CHIC1: variants seen among roughly 807,000 people sequenced by gnomAD.
CHIC1 encodes the protein cysteine-rich hydrophobic domain-containing protein 1.
In CHIC1, 7 loss-of-function variants were observed where a neutral mutation model predicts 18.5. The observed-to-expected ratio is 0.38, with a 90% confidence interval of 0.22 to 0.71. CHIC1 has a LOEUF of 0.71. Ranked by LOEUF, CHIC1 falls within the 30% of genes least tolerant of loss-of-function variation. CHIC1 has a pLI of 0.49. For missense variants in CHIC1, 159 were observed against 176.9 expected (o/e 0.90, Z 0.57); for synonymous variants, 77 against 73.5 (o/e 1.05, Z -0.25).
chrX:73,563,992 A>G (rs1325635512), intron 1 of CHIC1, among the ~76,000 whole-genome samples: 1 of 112,221 alleles, frequency 8.9e-6, no homozygotes, highest in Non-Finnish European at 1.9e-5. Context: ...CTAGGCTTGC[A>G]TTCTTCAAAA....
At chrX:73,616,082 TC>T (rs2057731533) in intron 3 of CHIC1, among the ~76,000 whole-genome samples, 1 of 109,644 alleles carries the variant, frequency 9.1e-6, no homozygotes, top group African/African-American at 3.3e-5. Context: ...TTGGCCCCCC[TC>T]CCCCCAGGCA....
At chrX:73,674,605 C>G in intron 3 of CHIC1, among the ~76,000 whole-genome samples, 1 of 111,641 alleles carries the variant, frequency 9.0e-6, no homozygotes, top group Non-Finnish European at 1.9e-5. Context: ...TTTATTGCAT[C>G]TGTTTGATTC....
At chrX:73,665,525 A>ACT (rs2058000295) in intron 3 of CHIC1, among the ~76,000 whole-genome samples, 1 of 111,288 alleles carries the variant, frequency 9.0e-6, no homozygotes, top group African/African-American at 3.3e-5. Flanking sequence ...CTGTTTCAAT[A>ACT]CTTTTATATA....
chrX:73,677,115 G>A (rs936120614), intron 3 of CHIC1, among the ~76,000 whole-genome samples: 2 of 111,366 alleles, frequency 1.8e-5, no homozygotes, highest in South Asian at 3.8e-4. Context: ...AGGAGTACCC[G>A]GCCCTGTGAG....
At chrX:73,630,334 C>CTTA (rs762441261) in intron 3 of CHIC1, among the ~76,000 whole-genome samples, 16 of 111,517 alleles carry the variant, frequency 1.4e-4, no homozygotes, top group Non-Finnish European at 2.6e-4. Flanking sequence ...GCATCCTTGT[C>CTTA]TTATTCCTCA....
At chrX:73,626,437 CT>C (rs888100347) in intron 3 of CHIC1, among the ~76,000 whole-genome samples, 4 of 110,949 alleles carry the variant, frequency 3.6e-5, no homozygotes, top group African/African-American at 1.3e-4. Context: ...TTAGATTTGC[CT>C]TTTTGATACT....
chrX:73,675,081 T>C (rs1448672563), intron 3 of CHIC1, among the ~76,000 whole-genome samples: 4 of 112,318 alleles, frequency 3.6e-5, no homozygotes, highest in African/African-American at 1.3e-4. Flanking sequence ...CTAGTTTGAT[T>C]GCACTGTGGT....
At chrX:73,573,254 A>C (rs1448648758) in intron 1 of CHIC1, among the ~76,000 whole-genome samples, 1 of 111,023 alleles carries the variant, frequency 9.0e-6, no homozygotes, top group Non-Finnish European at 1.9e-5. Context: ...AGATGGTAGT[A>C]GGTGCGCAGC....
chrX:73,636,426 A>T (rs2057831372), intron 3 of CHIC1, among the ~76,000 whole-genome samples: 1 of 111,276 alleles, frequency 9.0e-6, no homozygotes, highest in Non-Finnish European at 1.9e-5. Flanking sequence ...CTGGAACTAC[A>T]GGTACCCACT....
intron 3 of CHIC1, among the ~76,000 whole-genome samples, chrX:73,635,348 T>G (rs969632006): frequency 8.9e-6 from 1 of 112,206 alleles, no homozygotes; most frequent in Non-Finnish European, 1.9e-5. Context: ...TCTTTCTTTG[T>G]AGTGTGTTTG....
rs1370412601 is a variant in CHIC1 at position 73,601,237 on chromosome X, C to A, written c.507+16665C>A. Among the ~76,000 whole-genome samples the A allele has an allele frequency of 2.7e-4, 28 of 104,908 alleles. 4 individuals carry two copies. The highest frequency in any genetic ancestry group is 1.0e-3 in the African/African-American group (28 of 26,718). The allele number at this position is 104,908 out of a possible 115,157, so 91.1% of individuals were successfully genotyped here. A position where few individuals can be genotyped will look rare whatever the true frequency, so the allele number is the denominator to read the frequency against. ...AATAGACATCTACAGAACTCTCCACCCCAAATCAACAGAATATACATTTTT... is the reference window on the plus strand; with the variant it reads ...AATAGACATCTACAGAACTCTCCACACCAAATCAACAGAATATACATTTTT... On this transcript the variant is annotated intron_variant, in intron 3 of 5. Coordinates refer to ENST00000373502, the MANE Select transcript of CHIC1 (RefSeq NM_001039840.4).
At chrX:73,589,621 A>G (rs2057571326) in intron 3 of CHIC1, among the ~76,000 whole-genome samples, 1 of 111,151 alleles carries the variant, frequency 9.0e-6, no homozygotes, top group Admixed American at 9.6e-5. Flanking sequence ...TTTTAATCAT[A>G]CGGGAAAAAG....
Position 73,655,643 on chromosome X carries a change from GTGTGTGTA to G in CHIC1, c.508-23681_508-23674del, listed in dbSNP as rs1395787458. On this transcript the variant is annotated intron_variant, in intron 3 of 5. Coordinates refer to ENST00000373502, the MANE Select transcript of CHIC1 (RefSeq NM_001039840.4). ...GTATATATATATATAGTGTGTGTGT[GTGTGTGTA>G]TATATATATATATATATATACACAC... Among the ~76,000 whole-genome samples the G allele has an allele frequency of 6.9e-4, 6 of 8,667 alleles. No individual in the cohort carries two copies. In the East Asian group the frequency reaches 0.081, roughly 117 times the overall value. The allele number at this position is 8,667 out of a possible 115,157, so 7.5% of individuals were successfully genotyped here.
chrX:73,629,103 G>C (rs908508105), intron 3 of CHIC1, among the ~76,000 whole-genome samples: 3 of 111,139 alleles, frequency 2.7e-5, no homozygotes, highest in Non-Finnish European at 5.7e-5. Context: ...TCATATACCT[G>C]TTGGCCATTT....
At chrX:73,651,720 T>C (rs1258494092) in intron 3 of CHIC1, among the ~76,000 whole-genome samples, 1 of 111,084 alleles carries the variant, frequency 9.0e-6, no homozygotes, top group Non-Finnish European at 1.9e-5. Flanking sequence ...TACAAACCAC[T>C]GCTCAAGGAA....
chrX:73,626,294 C>G (rs1112960), intron 3 of CHIC1, among the ~76,000 whole-genome samples: 1 of 111,088 alleles, frequency 9.0e-6, no homozygotes, highest in African/African-American at 3.3e-5. Flanking sequence ...TAGGATAAAT[C>G]TGCTTGGTGT....
rs550940960 is a variant in CHIC1 at position 73,574,109 on chromosome X, G to A, written c.297-3298G>A. 2.7e-5 allele frequency among the ~76,000 whole-genome samples: 3 copies of A among 110,120 alleles called. No individual in the cohort carries two copies. The Admixed American group carries it at 2.9e-4, about 11-fold the overall frequency. ...CATTTTGAGGTACATTCTTTTGATG[G>A]TTAGTTTGTTGACGGTTTTATCATG... is the stretch of plus-strand genomic sequence containing the variant. On this transcript the variant is annotated intron_variant, in intron 1 of 5. Transcript: ENST00000373502.
At chrX:73,621,424 G>A (rs2057759808) in intron 3 of CHIC1, among the ~76,000 whole-genome samples, 1 of 111,839 alleles carries the variant, frequency 8.9e-6, no homozygotes, top group South Asian at 3.7e-4. Context: ...TCCTTTGTAA[G>A]TTGTATTTGT....
At chrX:73,649,541 T>C (rs1247300993) in intron 3 of CHIC1, among the ~76,000 whole-genome samples, 1 of 111,229 alleles carries the variant, frequency 9.0e-6, no homozygotes, top group Non-Finnish European at 1.9e-5. Context: ...GAGGTTGCAA[T>C]CCTAGTCTCT....
Sources: allele counts gnomAD v4.1 joint callset (sites outside exome capture counted in the v4.1 genomes callset), GRCh38; gene constraint gnomAD v4.1.1; transcripts MANE v1.5; gene names NCBI Gene and HGNC (gene_info 2026-07-23, HGNC 2026-07-21).